NPLOC4: variants seen among roughly 807,000 people sequenced by gnomAD.
The protein encoded by NPLOC4 is NPL4 homolog, ubiquitin recognition factor.
Under a neutral mutation model 80.6 loss-of-function variants are expected in NPLOC4, and 18 were observed. That is an observed-to-expected ratio of 0.22 (90% confidence interval 0.15 to 0.33). NPLOC4 has a LOEUF of 0.33. NPLOC4 is among the 10% of genes least tolerant of loss of function. The probability of loss-of-function intolerance (pLI) is 1.00; values close to 1 mark genes in which losing one functional copy is unlikely to be tolerated. For synonymous variants in NPLOC4, 313 were observed against 301.5 expected, an observed-to-expected ratio of 1.04 and a Z score of -0.39; for missense variants, 540 against 786.1, an observed-to-expected ratio of 0.69 and a Z score of 3.74.
intron 3 of NPLOC4, among the ~76,000 whole-genome samples, chr17:81,620,436 C>A (rs1371752857): frequency 6.6e-6 from 1 of 152,150 alleles, no homozygotes; most frequent in Non-Finnish European, 1.5e-5. Context: ...GCAGAGGTTG[C>A]AGTGAGCTGG....
At chr17:81,617,170 A>C (rs1414781275) in intron 3 of NPLOC4, among the ~76,000 whole-genome samples, 1 of 152,188 alleles carries the variant, frequency 6.6e-6, no homozygotes, top group Non-Finnish European at 1.5e-5. Context: ...CAGCGGGCCA[A>C]TGTGGCAGCA....
chr17:81,562,373 TACTAAA>T (rs2033877065), intron 16 of NPLOC4: 1 of 152,110 alleles, frequency 6.6e-6, no homozygotes, highest in Non-Finnish European at 1.5e-5. Flanking sequence ...ACCCTGTCTC[TACTAAA>T]ACTAAAAAAA....
intron 6 of NPLOC4, among the ~76,000 whole-genome samples, chr17:81,608,072 G>GCCACTGTTACCACCTCTGC (rs1261902400): frequency 6.6e-6 from 1 of 152,168 alleles, no homozygotes; most frequent in East Asian, 1.9e-4. Context: ...CCCCTTTCTG[G>GCCACTGTTACCACCTCTGC]CCACTGTTAC....
intron 3 of NPLOC4, among the ~76,000 whole-genome samples, chr17:81,617,553 T>C (rs1431943970): frequency 1.3e-5 from 2 of 152,174 alleles, no homozygotes; most frequent in Non-Finnish European, 2.9e-5. Flanking sequence ...CTCATGCCTG[T>C]AATCCCAGCA....
chr17:81,565,142 AAGG>A, intron 16 of NPLOC4: 1 of 598,208 alleles, frequency 1.7e-6, no homozygotes, highest in Non-Finnish European at 3.0e-6. Context: ...GGAAATTCTC[AAGG>A]AGACCAAAAG....
intron 8 of NPLOC4, among the ~76,000 whole-genome samples, chr17:81,603,072 G>C (rs181976413): frequency 2.1e-4 from 32 of 152,082 alleles, no homozygotes; most frequent in African/African-American, 7.7e-4. Flanking sequence ...GGGAGGCTGA[G>C]GCAGGAGGAT....
chr17:81,620,452 C>T (rs933008408), intron 3 of NPLOC4, among the ~76,000 whole-genome samples: 1 of 152,070 alleles, frequency 6.6e-6, no homozygotes, highest in African/African-American at 2.4e-5. Flanking sequence ...GCTGGGATCA[C>T]GTCATTGCAC....
intron 11 of NPLOC4, among the ~76,000 whole-genome samples, chr17:81,593,793 G>A (rs1036638014): frequency 6.7e-6 from 1 of 150,200 alleles, no homozygotes; most frequent in Non-Finnish European, 1.5e-5. Context: ...CTCCCCTCCT[G>A]GGTGCCCAGT....
chr17:81,620,145 C>A (rs564493216), intron 3 of NPLOC4, among the ~76,000 whole-genome samples: 7 of 152,266 alleles, frequency 4.6e-5, no homozygotes, highest in African/African-American at 1.4e-4. Flanking sequence ...GTAAGACATA[C>A]AAATTTCCTT....
At chr17:81,618,486 G>A (rs938599396) in intron 3 of NPLOC4, among the ~76,000 whole-genome samples, 2 of 75,168 alleles carry the variant, frequency 2.7e-5, no homozygotes, top group Non-Finnish European at 5.0e-5. Flanking sequence ...GGAGGAAGGT[G>A]GGGGGTCAGC....
chr17:81,575,556 C>T (rs2034275417), intron 12 of NPLOC4, among the ~76,000 whole-genome samples: 5 of 152,352 alleles, frequency 3.3e-5, no homozygotes, highest in Admixed American at 3.3e-4. Flanking sequence ...GGCACTACTG[C>T]TGTCCAAGAC....
chr17:81,600,199 CAT>C (rs2144195128), intron 9 of NPLOC4, 140 bp downstream of exon 9: 1 of 628,278 alleles, frequency 1.6e-6, no homozygotes, highest in South Asian at 1.8e-5. Context: ...AGTTTCAAAA[CAT>C]ATAGTGCCTG....
At chr17:81,589,162 A>G in intron 11 of NPLOC4, 58 bp from the exon 12 acceptor site, 1 of 1,438,984 alleles carries the variant, frequency 6.9e-7, no homozygotes, top group Non-Finnish European at 9.6e-7. Context: ...ACCAGTCCAT[A>G]TCTGTTAACT....
At chr17:81,616,899 A>G (rs1185618103) in intron 3 of NPLOC4, among the ~76,000 whole-genome samples, 1 of 152,224 alleles carries the variant, frequency 6.6e-6, no homozygotes, top group Non-Finnish European at 1.5e-5. Flanking sequence ...GGTGAGTGAC[A>G]GAGGCTATCC....
chr17:81,586,777 G>C (rs781367836), intron 12 of NPLOC4, among the ~76,000 whole-genome samples: 1 of 152,234 alleles, frequency 6.6e-6, no homozygotes, highest in African/African-American at 2.4e-5. Flanking sequence ...CTCACAAAGA[G>C]CTCTACCAGG....
chr17:81,629,727 T>C lies in NPLOC4; in HGVS notation c.94A>G (p.Lys32Glu). 1.2e-6 allele frequency: 2 copies of C among 1,612,622 alleles called. No individual in the cohort carries two copies. Among genetic ancestry groups the C allele is most frequent in the Non-Finnish European group, 1.7e-6 (2 of 1,178,680 alleles). The change falls in exon 2 of 17, where the codon AAG becomes GAG. Residue 32 changes from lysine to glutamate, a missense_variant and splice_region_variant. Lys to Glu is a moderately conservative substitution (Grantham distance 56). Transcript: ENST00000331134. ...GTCAATACCCAGGCCACAGATACCT[T>C]TTTCAAAAATGTTGCTGCTGTTTCT... ...KRETAATFLKKVAKEFGFQNN... is the reference protein window; with the variant it reads ...KRETAATFLKEVAKEFGFQNN...
intron 3 of NPLOC4, among the ~76,000 whole-genome samples, chr17:81,616,689 C>CA (rs775220703): frequency 1.3e-5 from 2 of 151,008 alleles, no homozygotes; most frequent in African/African-American, 2.4e-5. Flanking sequence ...AAGATGGTGC[C>CA]ACTGCCCTCC....
intron 7 of NPLOC4, among the ~76,000 whole-genome samples, chr17:81,604,932 C>A (rs1452123165): frequency 6.6e-6 from 1 of 152,132 alleles, no homozygotes; most frequent in Non-Finnish European, 1.5e-5. Context: ...CAAGTCCAGC[C>A]TGGGTGACAG....
At position 81,587,737 on chromosome 17, in the gene NPLOC4, G is replaced by A. The variant is rs1380155704; in HGVS notation, c.1281+1207C>T. The stretch of plus-strand genomic sequence containing the variant: ...TCCCCAGGCTGGAGTGCAGTGGCAC[G>A]ATCTTAATGCAAGCTCCGCCTCCCA... On this transcript the variant is annotated intron_variant, in intron 12 of 16. Coordinates refer to ENST00000331134, the MANE Select transcript of NPLOC4 (RefSeq NM_017921.4). Among the ~76,000 whole-genome samples the A allele has an allele frequency of 4.8e-5, 6 of 125,630 alleles. No homozygotes were observed. In the East Asian group the frequency reaches 7.3e-4, roughly 15 times the overall value. 82.4% of individuals were successfully genotyped at this position (125,630 alleles called of 152,430 possible). A position where few individuals can be genotyped will look rare whatever the true frequency, so the allele number is the denominator to read the frequency against.
Sources: allele counts gnomAD v4.1 joint callset (sites outside exome capture counted in the v4.1 genomes callset), GRCh38; gene constraint gnomAD v4.1.1; transcripts MANE v1.5; gene names NCBI Gene and HGNC (gene_info 2026-07-23, HGNC 2026-07-21).